The following ALDH6A1 variants were observed in gnomAD, a reference collection of about 807,000 sequenced individuals.
ALDH6A1 encodes the protein aldehyde dehydrogenase 6 family member A1, also known as methylmalonate-semialdehyde/malonate-semialdehyde dehydrogenase [acylating], mitochondrial.
ALDH6A1 carries 43 observed loss-of-function variants against 62.6 expected under a neutral mutation model. The ratio of observed to expected loss-of-function variants is 0.69; its 90% CI spans 0.54 to 0.89. The LOEUF is 0.89. Among genes scored for constraint, ALDH6A1 ranks in the 40% least tolerant of loss-of-function variants. The probability of loss-of-function intolerance (pLI) is 0.00; values close to 1 mark genes in which losing one functional copy is unlikely to be tolerated. For synonymous variants in ALDH6A1, 194 were observed against 234.2 expected (o/e 0.83, Z 1.57); for missense variants, 551 against 661.3 (o/e 0.83, Z 1.83).
In ALDH6A1 at chr14:74,066,847, G is replaced by A. The variant is rs1474630693; in HGVS notation, c.1082C>T (p.Pro361Leu). Residue 361 changes from proline (P) to leucine (L), a missense_variant, in exon 9 of 12, where the codon CCC becomes CTC. Pro to Leu is a moderately conservative substitution (Grantham distance 98). Coordinates refer to ENST00000553458, the MANE Select transcript of ALDH6A1 (RefSeq NM_005589.4). ...ATTACAGACTCGCTCTTTGGCCTGG[G>A]GAGTGATCAGAGGGCCAAGATCAGC... ...PGADLGPLITPQAKERVCNLI... is the reference protein window; with the variant it reads ...PGADLGPLITLQAKERVCNLI... The A allele has an allele frequency of 1.9e-6, 3 of 1,614,048 alleles. No homozygotes were observed. The highest frequency in any genetic ancestry group is 1.1e-5 in the South Asian group (1 of 91,080).
At chr14:74,068,239 T>G (rs2060499526) in intron 7 of ALDH6A1, among the ~76,000 whole-genome samples, 2 of 151,500 alleles carry the variant, frequency 1.3e-5, no homozygotes, top group East Asian at 3.9e-4. Context: ...ATTAGCTGGG[T>G]GTGGTGGTAG....
chr14:74,079,407 C>T (rs945149513), intron 1 of ALDH6A1, among the ~76,000 whole-genome samples: 1 of 150,868 alleles, frequency 6.6e-6, no homozygotes, highest in Non-Finnish European at 1.5e-5. Context: ...CCACCACACC[C>T]GGCTAATTTT....
rs147867083 is a variant in ALDH6A1 at position 74,065,924 on chromosome 14, TC to T, written c.1225-565del. 1,248 of 159,826 alleles carry T rather than the reference TC, an allele frequency of 7.8e-3. 21 individuals carry two copies. The highest frequency in any genetic ancestry group is 0.029 in the African/African-American group (1,209 of 41,616). The allele number at this position is 159,826 out of a possible 1,614,324, so 9.9% of individuals were successfully genotyped here. On this transcript the variant is annotated intron_variant, in intron 9 of 11. Transcript: ENST00000553458. ...TGATAAACGGATTTTTCTGTATGGTTCTGTGGCAAGAGATTTCATAATTTCT... is the reference window on the plus strand; with the variant it reads ...TGATAAACGGATTTTTCTGTATGGTTTGTGGCAAGAGATTTCATAATTTCT...
intron 11 of ALDH6A1, among the ~76,000 whole-genome samples, chr14:74,061,957 A>C (rs2060350883): frequency 6.7e-6 from 1 of 150,314 alleles, no homozygotes. Flanking sequence ...CACTTGTAAT[A>C]TCAGCACTTT....
Position 74,057,114 on chromosome 14 carries a change from G to C in ALDH6A1, c.*3528C>G, listed in dbSNP as rs1172115810. ...CAGGTTTCATGTGTGTAGAGTTGTT[G>C]ACGGTTCTGTTATTTTGTCATTATT... On this transcript the variant is annotated 3_prime_UTR_variant, in exon 12 of 12. Transcript: ENST00000553458. 6.2e-7 allele frequency: 1 copy of C among 1,605,012 alleles called. No individual in the cohort carries two copies. The highest frequency in any genetic ancestry group is 8.5e-7 in the Non-Finnish European group (1 of 1,174,600).
Position 74,071,427 on chromosome 14 carries a change from G to A in ALDH6A1, c.498C>T (p.Asp166=), listed in dbSNP as rs1445911309. Residue 166 remains aspartate (D), a synonymous_variant, in exon 6 of 12, where the codon GAC becomes GAT. Transcript: ENST00000553458. ...GCAGACGGTAGGAATAAAGGTCCAT[G>A]TCTTTGGTGATGGATGGCATGGTCT... The part of the protein sequence containing the change: ...MGETMPSITK[D]MDLYSYRLPL... 3.1e-6 allele frequency: 5 copies of A among 1,614,176 alleles called. No homozygotes were observed. The highest frequency in any genetic ancestry group is 3.4e-6 in the Non-Finnish European group (4 of 1,180,034).
Position 74,059,421 on chromosome 14 carries a change from T to C in ALDH6A1, c.*1221A>G, listed in dbSNP as rs1488222384. The C allele has an allele frequency of 1.5e-5, 7 of 455,244 alleles. No homozygotes were observed. Among genetic ancestry groups the C allele is most frequent in the African/African-American group, 1.4e-4 (7 of 49,994 alleles). 28.2% of individuals were successfully genotyped at this position (455,244 alleles called of 1,614,324 possible). ...AGAAAATTATTTGCATCTGGCTGGGTGTGGTGGCTCATGCCTGTAATCCCA... is the reference window on the plus strand; with the variant it reads ...AGAAAATTATTTGCATCTGGCTGGGCGTGGTGGCTCATGCCTGTAATCCCA... On this transcript the variant is annotated 3_prime_UTR_variant, in exon 12 of 12. Transcript: ENST00000553458.
At chr14:74,067,156 A>T (rs1041002660) in intron 8 of ALDH6A1, among the ~76,000 whole-genome samples, 1 of 152,164 alleles carries the variant, frequency 6.6e-6, no homozygotes, top group African/African-American at 2.4e-5. Flanking sequence ...TGAGGCTGCC[A>T]TGAGCTAGGA....
intron 6 of ALDH6A1, among the ~76,000 whole-genome samples, chr14:74,069,999 G>A (rs1387087604): frequency 6.6e-6 from 1 of 151,488 alleles, no homozygotes; most frequent in African/African-American, 2.4e-5. Context: ...CACCATTCCT[G>A]GCTAATTTTT....
chr14:74,065,010 C>A, intron 10 of ALDH6A1, 90 bp from the exon 11 acceptor site: 6 of 1,374,938 alleles, frequency 4.4e-6, no homozygotes, highest in Non-Finnish European at 6.1e-6. Context: ...TTTTAAATAC[C>A]CACCTTCTAC....
In ALDH6A1 at chr14:74,057,349, G is replaced by T; in HGVS notation, c.*3293C>A. 4 of 1,586,396 alleles carry T rather than the reference G, an allele frequency of 2.5e-6. No individual in the cohort carries two copies. The South Asian group carries it at 4.5e-5, about 18-fold the overall frequency. Reference sequence around the variant, plus strand: ...TAAATCACGGTTATTTTCTCTACTAGTTGAGAGACTTCAGGGATCAGTGGA... The same window carrying T: ...TAAATCACGGTTATTTTCTCTACTATTTGAGAGACTTCAGGGATCAGTGGA... On this transcript the variant is annotated 3_prime_UTR_variant, in exon 12 of 12. Transcript: ENST00000553458.
chr14:74,070,260 T>G (rs1204681124), intron 6 of ALDH6A1, among the ~76,000 whole-genome samples: 1 of 152,130 alleles, frequency 6.6e-6, no homozygotes, highest in Non-Finnish European at 1.5e-5. Flanking sequence ...GGCTCACACC[T>G]GTAATCCCAG....
chr14:74,072,511 T>C (rs1440470437), intron 3 of ALDH6A1, 26 bp downstream of exon 3: 6 of 1,614,030 alleles, frequency 3.7e-6, no homozygotes, highest in Non-Finnish European at 4.2e-6. Context: ...GCTCATAAGT[T>C]GAAGTCCCAA....
At chr14:74,081,943 G>A (rs1287982954) in intron 1 of ALDH6A1, among the ~76,000 whole-genome samples, 2 of 152,086 alleles carry the variant, frequency 1.3e-5, no homozygotes, top group Non-Finnish European at 2.9e-5. Context: ...GCAGCGGTTC[G>A]TGCCTGTAGT....
At chr14:74,060,837 T>C in intron 11 of ALDH6A1, 91 bp from the exon 12 acceptor site, 1 of 888,308 alleles carries the variant, frequency 1.1e-6, no homozygotes, top group African/African-American at 1.6e-5. Flanking sequence ...TATAAAGTGC[T>C]ACTCACTTTC....
intron 2 of ALDH6A1, 36 bp downstream of exon 2, chr14:74,074,919 T>G: frequency 6.3e-7 from 1 of 1,598,782 alleles, no homozygotes; most frequent in Non-Finnish European, 8.6e-7. Flanking sequence ...ACTGAATTCC[T>G]TCTCAGAAGT....
chr14:74,072,581 A>G lies in ALDH6A1; in HGVS notation c.142T>C (p.Phe48Leu), dbSNP rs1234349127. The change falls in exon 3 of 12, where the codon TTC becomes CTC. Residue 48 changes from phenylalanine (F) to leucine (L), a missense_variant. Transcript: ENST00000553458. ...PTVKLFIGGKFVESKSDKWID... is the reference protein window; with the variant it reads ...PTVKLFIGGKLVESKSDKWID... ...CATTTGTCACTTTTGGATTCAACGA[A>G]TTTCCCACCAATGAAGAGCTTTACA... The G allele has an allele frequency of 6.2e-7, 1 of 1,614,094 alleles. No individual in the cohort carries two copies. The highest frequency in any genetic ancestry group is 8.5e-7 in the Non-Finnish European group (1 of 1,180,030).
intron 11 of ALDH6A1, 90 bp from the exon 12 acceptor site, chr14:74,060,836 C>CACTTTA: frequency 1.1e-6 from 1 of 895,834 alleles, no homozygotes. Context: ...TTATAAAGTG[C>CACTTTA]TACTCACTTT....
intron 1 of ALDH6A1, among the ~76,000 whole-genome samples, chr14:74,075,379 G>T (rs1187453826): frequency 6.6e-6 from 1 of 152,108 alleles, no homozygotes; most frequent in Non-Finnish European, 1.5e-5. Context: ...TCAATGTGCT[G>T]GGCATGGTGA....
Sources: allele counts gnomAD v4.1 joint callset (sites outside exome capture counted in the v4.1 genomes callset), GRCh38; gene constraint gnomAD v4.1.1; transcripts MANE v1.5; gene names NCBI Gene and HGNC (gene_info 2026-07-23, HGNC 2026-07-21).